Variants in PPM1D observed in about 807,000 individuals in gnomAD.
The protein encoded by PPM1D is protein phosphatase 1D.
In PPM1D, 52 loss-of-function variants were observed where a neutral mutation model predicts 58.3. That is an observed-to-expected ratio of 0.89 (90% CI 0.71 to 1.12). The LOEUF (loss-of-function observed/expected upper bound fraction) is 1.12, where lower values mean the gene tolerates loss of function less well. Ranked by LOEUF, PPM1D falls within the 50% of genes most tolerant of loss-of-function variation. The pLI, the probability that PPM1D is intolerant of heterozygous loss-of-function variation, is 0.00. For missense variants in PPM1D, 564 were observed against 777.2 expected (o/e 0.73, Z 3.26); for synonymous variants, 278 against 285.1 (o/e 0.98, Z 0.25).
chr17:60,655,848 T>G (rs1183165231), intron 4 of PPM1D, among the ~76,000 whole-genome samples: 3 of 151,816 alleles, frequency 2.0e-5, no homozygotes, highest in Non-Finnish European at 4.4e-5. Context: ...ACTACAGGCA[T>G]GTGCCGTCGC....
intron 4 of PPM1D, among the ~76,000 whole-genome samples, chr17:60,651,501 G>A (rs1382786967): frequency 6.6e-6 from 1 of 151,328 alleles, no homozygotes; most frequent in East Asian, 1.9e-4. Context: ...AGGTTCAAGC[G>A]ATTCCCCTGC....
intron 5 of PPM1D, among the ~76,000 whole-genome samples, chr17:60,657,714 A>G (rs1404649009): frequency 1.3e-5 from 2 of 152,174 alleles, no homozygotes; most frequent in African/African-American, 4.8e-5. Flanking sequence ...ATATGGCCAG[A>G]TACAATGGAA....
chr17:60,635,001 G>A (rs1004296763), intron 3 of PPM1D, among the ~76,000 whole-genome samples: 5 of 151,640 alleles, frequency 3.3e-5, no homozygotes, highest in African/African-American at 1.2e-4. Context: ...GGTGGTCCTG[G>A]GCTTAAGCCA....
At chr17:60,614,891 C>T (rs767599572) in intron 1 of PPM1D, among the ~76,000 whole-genome samples, 5 of 152,204 alleles carry the variant, frequency 3.3e-5, no homozygotes, top group Non-Finnish European at 7.3e-5. Context: ...TCTGGACACA[C>T]TGCCTTTAAG....
chr17:60,654,477 C>T (rs1329849750), intron 4 of PPM1D, among the ~76,000 whole-genome samples: 1 of 128,256 alleles, frequency 7.8e-6, no homozygotes, highest in Non-Finnish European at 1.7e-5. Flanking sequence ...GCATTCCAGC[C>T]TGGGTGACAG....
intron 4 of PPM1D, among the ~76,000 whole-genome samples, chr17:60,652,817 G>A (rs1174412527): frequency 6.6e-6 from 1 of 151,990 alleles, no homozygotes; most frequent in Non-Finnish European, 1.5e-5. Context: ...TTTGAGAAAT[G>A]TGTATTTTAG....
At chr17:60,640,048 G>A (rs1326966830) in intron 3 of PPM1D, among the ~76,000 whole-genome samples, 1 of 152,204 alleles carries the variant, frequency 6.6e-6, no homozygotes, top group Non-Finnish European at 1.5e-5. Flanking sequence ...GCTGGATGTG[G>A]TGGCTCACAC....
rs1054929509 is a variant in PPM1D at position 60,664,417 on chromosome 17, A to G, written c.*865A>G. The G allele has an allele frequency of 6.6e-6, 1 of 152,656 alleles. No homozygotes were observed. Among genetic ancestry groups the G allele is most frequent in the African/African-American group, 2.4e-5 (1 of 41,458 alleles). The allele number at this position is 152,656 out of a possible 1,614,324, so 9.5% of individuals were successfully genotyped here. On this transcript the variant is annotated 3_prime_UTR_variant, in exon 6 of 6. Coordinates refer to ENST00000305921, the MANE Select transcript of PPM1D (RefSeq NM_003620.4). ...AACATTTCTTAAATTATTTTATATC[A>G]TACAGTTTTCATTGATTATATGGGT... is the stretch of plus-strand genomic sequence containing the variant.
chr17:60,633,743 A>G, intron 2 of PPM1D, 110 bp from the exon 3 acceptor site: 4 of 1,165,318 alleles, frequency 3.4e-6, no homozygotes, highest in Non-Finnish European at 3.6e-6. Flanking sequence ...CACATAAGAC[A>G]TTATTTTGTA....
chr17:60,633,404 CTATT>C (rs199686415), intron 2 of PPM1D, among the ~76,000 whole-genome samples: 1 of 151,904 alleles, frequency 6.6e-6, no homozygotes, highest in African/African-American at 2.4e-5. Context: ...AATTTAATGC[CTATT>C]TATTTATTTA....
At chr17:60,660,622 A>G (rs769549178) in intron 5 of PPM1D, among the ~76,000 whole-genome samples, 14 of 150,906 alleles carry the variant, frequency 9.3e-5, no homozygotes, top group Non-Finnish European at 1.8e-4. Flanking sequence ...TTAGCTGGGC[A>G]TGGTGGTGAG....
intron 2 of PPM1D, among the ~76,000 whole-genome samples, chr17:60,630,499 A>C (rs1363380719): frequency 6.6e-6 from 1 of 152,164 alleles, no homozygotes; most frequent in Non-Finnish European, 1.5e-5. Flanking sequence ...CGGCCTAGGC[A>C]ACGGGCCAGC....
At chr17:60,642,938 G>A (rs2031164360) in intron 3 of PPM1D, among the ~76,000 whole-genome samples, 1 of 151,224 alleles carries the variant, frequency 6.6e-6, no homozygotes. Flanking sequence ...ATGGTGGCGG[G>A]CGCCTTATAG....
chr17:60,605,142 T>C (rs1567963428), intron 1 of PPM1D, among the ~76,000 whole-genome samples: 1 of 152,204 alleles, frequency 6.6e-6, no homozygotes, highest in Non-Finnish European at 1.5e-5. Flanking sequence ...CTTGCTTTTT[T>C]TGGACTGTAA....
At chr17:60,620,829 T>C (rs985232470) in intron 1 of PPM1D, among the ~76,000 whole-genome samples, 1 of 152,160 alleles carries the variant, frequency 6.6e-6, no homozygotes, top group African/African-American at 2.4e-5. Context: ...CTTTTGGTGG[T>C]CATATTAAAA....
intron 1 of PPM1D, among the ~76,000 whole-genome samples, chr17:60,610,484 A>G (rs1404066692): frequency 6.6e-6 from 1 of 152,204 alleles, no homozygotes; most frequent in Non-Finnish European, 1.5e-5. Flanking sequence ...ATAATTAAAA[A>G]CAATGATGTT....
intron 3 of PPM1D, among the ~76,000 whole-genome samples, chr17:60,641,387 CT>C (rs1245900243): frequency 6.6e-6 from 1 of 152,150 alleles, no homozygotes; most frequent in African/African-American, 2.4e-5. Context: ...GTTTGCATGT[CT>C]TCTTTTGAAA....
At chr17:60,658,092 T>A (rs907838764) in intron 5 of PPM1D, among the ~76,000 whole-genome samples, 1 of 152,228 alleles carries the variant, frequency 6.6e-6, no homozygotes, top group Non-Finnish European at 1.5e-5. Context: ...TAATGCAGGT[T>A]GAAACCCTTT....
chr17:60,650,264 A>G (rs1296233921), intron 4 of PPM1D, among the ~76,000 whole-genome samples: 2 of 152,174 alleles, frequency 1.3e-5, no homozygotes, highest in African/African-American at 4.8e-5. Flanking sequence ...AAAGAAATAC[A>G]TGTAGGCCGG....
Sources: gnomAD v4.1 joint callset for allele counts (sites outside exome capture counted in the v4.1 genomes callset) on GRCh38, gnomAD v4.1.1 for gene constraint, MANE v1.5 for transcripts, NCBI Gene and HGNC (gene_info 2026-07-23, HGNC 2026-07-21) for gene names.